Variants in GAREM1 observed in about 807,000 individuals in gnomAD.
The protein encoded by GAREM1 is GRB2-associated and regulator of MAPK protein 1.
In GAREM1, 26 loss-of-function variants were observed where a neutral mutation model predicts 71.3. That is an observed-to-expected ratio of 0.36 (90% confidence interval 0.27 to 0.51). GAREM1 has a LOEUF of 0.51. Ranked by LOEUF, GAREM1 falls within the 20% of genes least tolerant of loss-of-function variation. The pLI is 0.95. For synonymous variants in GAREM1, 440 were observed against 433.2 expected, an observed-to-expected ratio of 1.02 and a Z score of -0.20; for missense variants, 1,026 against 1,103.1, an observed-to-expected ratio of 0.93 and a Z score of 0.99.
chr18:32,293,946 T>G (rs192078964), intron 3 of GAREM1, among the ~76,000 whole-genome samples: 67 of 152,292 alleles, frequency 4.4e-4, no homozygotes, highest in African/African-American at 1.4e-3. Flanking sequence ...ATAAAATACC[T>G]GGTGTGTATT....
At chr18:32,436,888 C>T (rs2048685142) in intron 1 of GAREM1, among the ~76,000 whole-genome samples, 2 of 152,140 alleles carry the variant, frequency 1.3e-5, no homozygotes, top group South Asian at 4.1e-4. Context: ...TCCTTACTTA[C>T]TAGCTGGGGG....
rs145624366 is a variant in GAREM1, at chr18:32,358,166, C to T, written c.262+34729G>A. Among the ~76,000 whole-genome samples, 523 of 131,680 alleles carry T rather than the reference C, an allele frequency of 4.0e-3. 4 individuals carry two copies. The highest frequency in any genetic ancestry group is 0.018 in the South Asian group (67 of 3,664). 86.4% of individuals were successfully genotyped at this position (131,680 alleles called of 152,430 possible). A position where few individuals can be genotyped will look rare whatever the true frequency, so the allele number is the denominator to read the frequency against. On this transcript the variant is annotated intron_variant, in intron 2 of 5. Transcript: ENST00000269209. ...AGCTTCAATGACATCCCACCCCACA[C>T]GGAGGCTTTCACAGGGGACCCTTTC...
At chr18:32,446,223 A>AGTGTGTGT (rs10587223) in intron 1 of GAREM1, among the ~76,000 whole-genome samples, 32 of 143,344 alleles carry the variant, frequency 2.2e-4, no homozygotes, top group African/African-American at 8.0e-4. Context: ...AGTTCCCCAT[A>AGTGTGTGT]GTGTGTGTGT....
At chr18:32,401,959 A>G (rs2048319796) in intron 1 of GAREM1, among the ~76,000 whole-genome samples, 1 of 152,160 alleles carries the variant, frequency 6.6e-6, no homozygotes, top group African/African-American at 2.4e-5. Context: ...TAAGAAACCA[A>G]TGCTTATGTC....
intron 2 of GAREM1, among the ~76,000 whole-genome samples, chr18:32,340,975 A>G (rs983205631): frequency 6.6e-6 from 1 of 152,028 alleles, no homozygotes; most frequent in Admixed American, 6.5e-5. Context: ...ATTGATGTGT[A>G]TTGGATTATT....
chr18:32,405,527 T>C (rs1229408977), intron 1 of GAREM1, among the ~76,000 whole-genome samples: 1 of 152,206 alleles, frequency 6.6e-6, no homozygotes. Context: ...TTTTTCAAAA[T>C]ACCTTCACTG....
chr18:32,403,541 G>A (rs1371859744), intron 1 of GAREM1, among the ~76,000 whole-genome samples: 1 of 152,072 alleles, frequency 6.6e-6, no homozygotes, highest in Non-Finnish European at 1.5e-5. Context: ...CCTAACTCAA[G>A]TGCTACCTTT....
intron 2 of GAREM1, among the ~76,000 whole-genome samples, chr18:32,373,989 T>C (rs1034024161): frequency 6.6e-6 from 1 of 152,326 alleles, no homozygotes; most frequent in South Asian, 2.1e-4. Flanking sequence ...CCCTGGGAGC[T>C]TTGAATGCTT....
chr18:32,336,855 A>G (rs1319621589), intron 2 of GAREM1, among the ~76,000 whole-genome samples: 1 of 152,158 alleles, frequency 6.6e-6, no homozygotes, highest in African/African-American at 2.4e-5. Flanking sequence ...CTACTTGAAA[A>G]CTTAAAACTA....
intron 2 of GAREM1, among the ~76,000 whole-genome samples, chr18:32,312,435 C>T (rs2047334059): frequency 6.6e-6 from 1 of 152,084 alleles, no homozygotes; most frequent in South Asian, 2.1e-4. Flanking sequence ...GAAATGAGGG[C>T]TGAAAACTGT....
chr18:32,389,266 T>G (rs2048174633), intron 2 of GAREM1, among the ~76,000 whole-genome samples: 1 of 152,164 alleles, frequency 6.6e-6, no homozygotes, highest in South Asian at 2.1e-4. Context: ...TAATTCAACT[T>G]GTAATTAGTA....
intron 1 of GAREM1, among the ~76,000 whole-genome samples, chr18:32,421,951 C>A (rs1413680249): frequency 2.0e-5 from 3 of 152,062 alleles, no homozygotes; most frequent in South Asian, 2.1e-4. Context: ...CCCCTCTGTA[C>A]ACACTTCCCT....
chr18:32,373,201 A>G (rs1389746807), intron 2 of GAREM1, among the ~76,000 whole-genome samples: 1 of 152,212 alleles, frequency 6.6e-6, no homozygotes, highest in African/African-American at 2.4e-5. Flanking sequence ...GGGGACACAT[A>G]AAATTGTTGT....
At chr18:32,433,715 CA>C (rs1175265069) in intron 1 of GAREM1, among the ~76,000 whole-genome samples, 1 of 151,634 alleles carries the variant, frequency 6.6e-6, no homozygotes, top group Non-Finnish European at 1.5e-5. Flanking sequence ...TACGATAGTT[CA>C]AAAAAAGTAT....
At position 32,268,403 on chromosome 18, in the gene GAREM1, C is replaced by A; in HGVS notation, c.2099G>T (p.Ser700Ile). 3.1e-6 allele frequency: 5 copies of A among 1,614,202 alleles called. No homozygotes were observed. The highest frequency in any genetic ancestry group is 2.2e-5 in the East Asian group (1 of 44,888). The change falls in exon 6 of 6, where the codon AGC (serine) becomes ATC (isoleucine). Residue 700 changes from serine (S) to isoleucine (I), a missense_variant. Physicochemically the swap from Ser to Ile is moderately radical, Grantham distance 142. Coordinates refer to ENST00000269209, the MANE Select transcript of GAREM1 (RefSeq NM_001242409.2). Reference sequence around the variant, plus strand: ...CACATCTGTGCTCTCCAGAGAGTAGCTGGCTGACTTGGGACAACCAGAGAC... The same window carrying A: ...CACATCTGTGCTCTCCAGAGAGTAGATGGCTGACTTGGGACAACCAGAGAC... The part of the protein sequence containing the change: ...SSVSGCPKSA[S>I]YSLESTDVKS...
intron 1 of GAREM1, among the ~76,000 whole-genome samples, chr18:32,397,671 C>A (rs1356139497): frequency 6.6e-6 from 1 of 152,136 alleles, no homozygotes; most frequent in Non-Finnish European, 1.5e-5. Context: ...TAGAGACCTA[C>A]AAAGAGACTT....
At chr18:32,323,825 A>G (rs1212311887) in intron 2 of GAREM1, among the ~76,000 whole-genome samples, 5 of 152,244 alleles carry the variant, frequency 3.3e-5, no homozygotes, top group African/African-American at 1.2e-4. Context: ...TAAAAAATTA[A>G]GAGCAGCAAA....
At chr18:32,300,215 G>A (rs2047186004) in intron 3 of GAREM1, among the ~76,000 whole-genome samples, 1 of 152,144 alleles carries the variant, frequency 6.6e-6, no homozygotes, top group Admixed American at 6.5e-5. Context: ...AGAAAATGCT[G>A]GAGCAAATAA....
Position 32,282,024 on chromosome 18 carries a change from A to AC in GAREM1, c.1566+5006dup, listed in dbSNP as rs573462977. ...AAGCACCCCCACTGAGCACCTTGCGACCCCCACTCCTGCCCGCCAGAGGAC... is the reference window on the plus strand; with the variant it reads ...AAGCACCCCCACTGAGCACCTTGCGACCCCCCACTCCTGCCCGCCAGAGGAC... On this transcript the variant is annotated intron_variant, in intron 4 of 5. Coordinates refer to ENST00000269209, the MANE Select transcript of GAREM1 (RefSeq NM_001242409.2). 2.3e-4 allele frequency among the ~76,000 whole-genome samples: 34 copies of AC among 147,816 alleles called. No homozygotes were observed. In the South Asian group the frequency reaches 5.9e-3, roughly 26 times the overall value.
Sources: gnomAD v4.1 joint callset for allele counts (sites outside exome capture counted in the v4.1 genomes callset) on GRCh38, gnomAD v4.1.1 for gene constraint, MANE v1.5 for transcripts, NCBI Gene and HGNC (gene_info 2026-07-23, HGNC 2026-07-21) for gene names.